Variants in DNER observed in about 807,000 individuals in gnomAD.
DNER encodes delta and Notch-like epidermal growth factor-related receptor.
DNER carries 33 observed loss-of-function variants against 78.2 expected under a neutral mutation model. That is an observed-to-expected ratio of 0.42 (90% confidence interval 0.32 to 0.56). The LOEUF (loss-of-function observed/expected upper bound fraction) is 0.56, where lower values mean the gene tolerates loss of function less well. Ranked by LOEUF, DNER falls within the 20% of genes least tolerant of loss-of-function variation. DNER has a pLI of 0.11. For missense variants in DNER, 918 were observed against 975.3 expected (o/e 0.94, Z 0.78); for synonymous variants, 417 against 384.8 (o/e 1.08, Z -0.98).
chr2:229,586,554 AC>A, intron 3 of DNER: 3 of 205,806 alleles, frequency 1.5e-5, no homozygotes, highest in Non-Finnish European at 2.2e-5. Flanking sequence ...AAAAAAACAC[AC>A]AAAACCACCC....
intron 11 of DNER, among the ~76,000 whole-genome samples, chr2:229,367,473 T>C (rs1177500872): frequency 6.6e-6 from 1 of 151,922 alleles, no homozygotes; most frequent in Non-Finnish European, 1.5e-5. Flanking sequence ...TGGTGGTGGA[T>C]GTCTGTAATC....
intron 1 of DNER, among the ~76,000 whole-genome samples, chr2:229,651,236 C>T (rs1426215920): frequency 6.6e-6 from 1 of 152,176 alleles, no homozygotes; most frequent in Non-Finnish European, 1.5e-5. Flanking sequence ...GCTGCCCTGC[C>T]GCTTCCAATT....
At chr2:229,440,466 G>T (rs1175958866) in intron 8 of DNER, among the ~76,000 whole-genome samples, 6 of 152,038 alleles carry the variant, frequency 3.9e-5, no homozygotes, top group African/African-American at 9.7e-5. Flanking sequence ...TGGCTCCTCT[G>T]CCCTCTCCTG....
chr2:229,427,850 G>A (rs1182718133), intron 8 of DNER, among the ~76,000 whole-genome samples: 2 of 152,118 alleles, frequency 1.3e-5, no homozygotes, highest in Non-Finnish European at 2.9e-5. Flanking sequence ...GCTGAGGCGG[G>A]CAGATCACGA....
At chr2:229,691,002 C>CT (rs1183867037) in intron 1 of DNER, among the ~76,000 whole-genome samples, 1 of 152,156 alleles carries the variant, frequency 6.6e-6, no homozygotes, top group Non-Finnish European at 1.5e-5. Context: ...AGCTACAAGA[C>CT]TTTTTTATCA....
At chr2:229,672,411 G>C (rs1326438991) in intron 1 of DNER, among the ~76,000 whole-genome samples, 1 of 151,868 alleles carries the variant, frequency 6.6e-6, no homozygotes, top group African/African-American at 2.4e-5. Context: ...AGGAGGGAGG[G>C]GGGAGAGAGA....
chr2:229,500,277 A>G (rs190768007), intron 6 of DNER, among the ~76,000 whole-genome samples: 113 of 152,276 alleles, frequency 7.4e-4, no homozygotes, highest in Middle Eastern at 3.4e-3. Flanking sequence ...GCCAACAAGT[A>G]TATGAAAGAA....
chr2:229,679,464 T>C (rs537053900), intron 1 of DNER, among the ~76,000 whole-genome samples: 1 of 152,342 alleles, frequency 6.6e-6, no homozygotes, highest in Non-Finnish European at 1.5e-5. Flanking sequence ...CTTTGGAACA[T>C]ATTTTTCTAC....
chr2:229,699,949 C>T (rs1388992597), intron 1 of DNER, among the ~76,000 whole-genome samples: 1 of 151,954 alleles, frequency 6.6e-6, no homozygotes, highest in African/African-American at 2.4e-5. Flanking sequence ...AAGAGATTTA[C>T]AACACAAAGG....
intron 4 of DNER, among the ~76,000 whole-genome samples, chr2:229,575,900 C>T (rs2052311): frequency 0.99 from 151,360 of 152,362 alleles, 75,191 homozygotes; most frequent in Middle Eastern, 1. Flanking sequence ...TGATTGCTGA[C>T]AATATTAATA....
chr2:229,437,479 T>C (rs1220116874), intron 8 of DNER, among the ~76,000 whole-genome samples: 2 of 152,172 alleles, frequency 1.3e-5, no homozygotes, highest in African/African-American at 4.8e-5. Context: ...CAATGAAGAA[T>C]TTAAATGCAT....
At chr2:229,536,097 C>T (rs1696398558) in intron 5 of DNER, among the ~76,000 whole-genome samples, 1 of 152,210 alleles carries the variant, frequency 6.6e-6, no homozygotes, top group Non-Finnish European at 1.5e-5. Context: ...GAGGACCGAA[C>T]ACCATGGTGG....
At chr2:229,693,229 G>A (rs1699610216) in intron 1 of DNER, among the ~76,000 whole-genome samples, 1 of 151,578 alleles carries the variant, frequency 6.6e-6, no homozygotes, top group Non-Finnish European at 1.5e-5. Flanking sequence ...TCTCCTTGAT[G>A]CCACCATGTG....
chr2:229,531,804 T>A (rs1344863563), intron 5 of DNER, among the ~76,000 whole-genome samples: 2 of 152,150 alleles, frequency 1.3e-5, no homozygotes, highest in Non-Finnish European at 2.9e-5. Context: ...ATCCATACAA[T>A]GGAACATTAC....
intron 5 of DNER, among the ~76,000 whole-genome samples, chr2:229,514,701 A>G (rs765900228): frequency 3.9e-5 from 6 of 152,106 alleles, no homozygotes; most frequent in Non-Finnish European, 7.4e-5. Context: ...TCTTTCCCCA[A>G]CAGATTTCTT....
At chr2:229,528,906 T>A (rs1696253893) in intron 5 of DNER, among the ~76,000 whole-genome samples, 1 of 152,176 alleles carries the variant, frequency 6.6e-6, no homozygotes, top group South Asian at 2.1e-4. Flanking sequence ...AATGTCCATG[T>A]CCCGGGGCTG....
At chr2:229,600,478 C>A (rs1697807435) in intron 1 of DNER, among the ~76,000 whole-genome samples, 1 of 152,180 alleles carries the variant, frequency 6.6e-6, no homozygotes, top group African/African-American at 2.4e-5. Flanking sequence ...AGTTTGATAG[C>A]AATAACATCT....
At chr2:229,616,482 G>A (rs940165822) in intron 1 of DNER, among the ~76,000 whole-genome samples, 3 of 152,078 alleles carry the variant, frequency 2.0e-5, no homozygotes, top group Non-Finnish European at 2.9e-5. Flanking sequence ...GAGAGCACAC[G>A]AACATTACAC....
At chr2:229,482,195 C>T (rs1695174981) in intron 6 of DNER, among the ~76,000 whole-genome samples, 1 of 152,234 alleles carries the variant, frequency 6.6e-6, no homozygotes, top group African/African-American at 2.4e-5. Context: ...GAACCACCTG[C>T]CAAGTTATTG....
Sources: gnomAD v4.1 joint callset for allele counts (sites outside exome capture counted in the v4.1 genomes callset) on GRCh38, gnomAD v4.1.1 for gene constraint, MANE v1.5 for transcripts, NCBI Gene and HGNC (gene_info 2026-07-23, HGNC 2026-07-21) for gene names.